The following TIAM2 variants were observed in gnomAD, a reference collection of about 807,000 sequenced individuals.
The protein encoded by TIAM2 is rho guanine nucleotide exchange factor TIAM2.
TIAM2 carries 80 observed loss-of-function variants against 152.9 expected under a neutral mutation model. The observed-to-expected ratio is 0.52, with a 90% CI of 0.44 to 0.63. The LOEUF (loss-of-function observed/expected upper bound fraction) is 0.63. Among genes scored for constraint, TIAM2 ranks in the 30% least tolerant of loss-of-function variants. TIAM2 has a pLI of 0.00. For missense variants in TIAM2, 1,965 were observed against 2,120.1 expected (o/e 0.93, Z 1.44); for synonymous variants, 804 against 838.0 (o/e 0.96, Z 0.70).
chr6:155,254,358 G>A, intron 25 of TIAM2, 61 bp from the exon 26 acceptor site: 1 of 1,580,416 alleles, frequency 6.3e-7, no homozygotes, highest in Middle Eastern at 1.7e-4. Flanking sequence ...AGGCGGGCGT[G>A]GAATGGAAGC....
intron 7 of TIAM2, among the ~76,000 whole-genome samples, chr6:155,162,966 G>A (rs1314926376): frequency 1.3e-5 from 2 of 152,132 alleles, no homozygotes; most frequent in Non-Finnish European, 2.9e-5. Context: ...GTTGTGCAGC[G>A]ACCAACCTAA....
chr6:155,221,829 G>A (rs760846079), intron 15 of TIAM2, among the ~76,000 whole-genome samples: 24 of 152,164 alleles, frequency 1.6e-4, no homozygotes, highest in Non-Finnish European at 2.9e-4. Flanking sequence ...ATGGAGCTAT[G>A]GAGACCTTGA....
At chr6:155,227,289 C>G (rs1244023902) in intron 15 of TIAM2, among the ~76,000 whole-genome samples, 1 of 152,196 alleles carries the variant, frequency 6.6e-6, no homozygotes, top group Admixed American at 6.5e-5. Context: ...TTGTAAACTG[C>G]AGGGGTGCTG....
intron 14 of TIAM2, among the ~76,000 whole-genome samples, chr6:155,195,365 G>A (rs17086041): frequency 0.41 from 62,362 of 152,012 alleles, 13,567 homozygotes; most frequent in African/African-American, 0.52. Flanking sequence ...GGTACCCATC[G>A]CCTGTGAAGA....
intron 14 of TIAM2, among the ~76,000 whole-genome samples, chr6:155,187,034 G>A (rs1489426268): frequency 6.6e-6 from 1 of 152,050 alleles, no homozygotes; most frequent in East Asian, 1.9e-4. Flanking sequence ...TTTTAAAATA[G>A]AAATTATAAG....
At chr6:155,165,185 C>T in intron 8 of TIAM2, 78 bp from the exon 9 acceptor site, 1 of 1,446,744 alleles carries the variant, frequency 6.9e-7, no homozygotes, top group Non-Finnish European at 9.3e-7. Context: ...TTATAGCAAG[C>T]AGAGCTCACT....
rs954766139 is a variant in TIAM2, at chr6:155,178,910, G to A, written c.2524-129G>A. On this transcript the variant is annotated intron_variant, in intron 10 of 26. Coordinates refer to ENST00000682666, the MANE Select transcript of TIAM2 (RefSeq NM_012454.4). ...TATTTAAATTCGAGCTCTTATATAG[G>A]TTTAAATTCAGCAAATTATATGCAG... The A allele has an allele frequency of 1.7e-5, 13 of 763,490 alleles. No individual in the cohort carries two copies. In the East Asian group the frequency reaches 3.3e-4, roughly 19 times the overall value. The allele number at this position is 763,490 out of a possible 1,614,324, so 47.3% of individuals were successfully genotyped here. A position where few individuals can be genotyped will look rare whatever the true frequency, so the allele number is the denominator to read the frequency against.
chr6:155,252,624 G>T (rs961149870), intron 23 of TIAM2, among the ~76,000 whole-genome samples: 1 of 152,158 alleles, frequency 6.6e-6, no homozygotes, highest in African/African-American at 2.4e-5. Context: ...CCTTCACTCA[G>T]AAAAAAGCAA....
rs1331213 is a variant in TIAM2, at chr6:155,254,412, C to G, written c.4314-7C>G. On this transcript the variant is annotated splice_polypyrimidine_tract_variant and splice_region_variant and intron_variant, in intron 25 of 26. Coordinates refer to ENST00000682666, the MANE Select transcript of TIAM2 (RefSeq NM_012454.4). Reference sequence around the variant, plus strand: ...ACTTCTGCTGTTTTCTCTCCCCCCCCACCCAGTGACAGTGAAAGCAAAACC... The same window carrying G: ...ACTTCTGCTGTTTTCTCTCCCCCCCGACCCAGTGACAGTGAAAGCAAAACC... 0.37 allele frequency: 589,051 copies of G among 1,608,798 alleles called. 113,547 individuals carry two copies. Among genetic ancestry groups the G allele is most frequent in the Middle Eastern group, 0.49 (2,946 of 6,044 alleles).
In TIAM2 at chr6:155,256,952, G is replaced by A; in HGVS notation, c.4937G>A (p.Arg1646Lys). 2 of 1,614,194 alleles carry A rather than the reference G, an allele frequency of 1.2e-6. No homozygotes were observed. Among genetic ancestry groups the A allele is most frequent in the Admixed American group, 1.7e-5 (1 of 60,016 alleles). ...AAAGCCAACAGCACCAAGAGGGACAGAGGAACTTTGCTCAAGGCGCAGATC... is the reference window on the plus strand; with the variant it reads ...AAAGCCAACAGCACCAAGAGGGACAAAGGAACTTTGCTCAAGGCGCAGATC... ...KRKANSTKRD[R>K]GTLLKAQIRH... is the part of the protein sequence containing the mutation. The change falls in exon 27 of 27, where the codon AGA (arginine) becomes AAA (lysine). Residue 1646 changes from arginine to lysine, a missense_variant. By Grantham distance (26) the Arg-to-Lys change is conservative. This residue lies in a region of TIAM2 where 935 missense variants were observed against 980.0 expected (regional missense o/e 0.95). Transcript: ENST00000682666.
Position 155,148,157 on chromosome 6 carries a change from T to C in TIAM2, c.1851T>C (p.Ser617=), listed in dbSNP as rs1179513889. ...DLENWVTAVH[S]ACASLFAKKH... is the part of the protein sequence containing the mutation. Reference sequence around the variant, plus strand: ...AAAACTGGGTCACTGCTGTACACTCTGCTTGTGCATCCCTTTTTGCAAAGA... The same window carrying C: ...AAAACTGGGTCACTGCTGTACACTCCGCTTGTGCATCCCTTTTTGCAAAGA... The change falls in exon 7 of 27, where the codon TCT becomes TCC. Residue 617 remains serine (S), a synonymous_variant. Transcript: ENST00000682666. 2 of 1,613,724 alleles carry C rather than the reference T, an allele frequency of 1.2e-6. No homozygotes were observed. Among genetic ancestry groups the C allele is most frequent in the Non-Finnish European group, 8.5e-7 (1 of 1,180,030 alleles).
In TIAM2 at chr6:155,187,478, AG is replaced by A. The variant is rs1239131594; in HGVS notation, c.3064+3979del. 4.0e-5 allele frequency among the ~76,000 whole-genome samples: 6 copies of A among 150,200 alleles called. No homozygotes were observed. The South Asian group carries it at 6.4e-4, about 16-fold the overall frequency. ...CCTAGTGCCCAAGACTCACCTGCTG[AG>A]CTTAATGAAAATGCAGATTCCAGGG... On this transcript the variant is annotated intron_variant, in intron 14 of 26. Coordinates refer to ENST00000682666, the MANE Select transcript of TIAM2 (RefSeq NM_012454.4).
chr6:155,026,471 A>G (rs1776604247), intron 1 of TIAM2, among the ~76,000 whole-genome samples: 2 of 152,226 alleles, frequency 1.3e-5, no homozygotes, highest in South Asian at 4.1e-4. Flanking sequence ...TTTTCTTTGC[A>G]AAACTCACTG....
At chr6:155,035,836 G>T (rs1331870771) in intron 1 of TIAM2, among the ~76,000 whole-genome samples, 2 of 152,150 alleles carry the variant, frequency 1.3e-5, no homozygotes, top group Non-Finnish European at 2.9e-5. Flanking sequence ...GCCCTTGCTG[G>T]GTTGATGTAA....
rs748553008 is a variant in TIAM2, at chr6:155,129,564, A to G, written c.341A>G (p.Asn114Ser). Reference sequence around the variant, plus strand: ...ATCAGTGCTGCTTTCTCAACTGAGAATGGCTTCCACTCTGTTGGCCACGAG... The same window carrying G: ...ATCAGTGCTGCTTTCTCAACTGAGAGTGGCTTCCACTCTGTTGGCCACGAG... ...QGISAAFSTE[N>S]GFHSVGHELA... The change falls in exon 4 of 27, where the codon AAT becomes AGT. Residue 114 changes from asparagine (N) to serine (S), a missense_variant. Asn to Ser is a conservative substitution (Grantham distance 46). Transcript: ENST00000682666. The surrounding 1 kb of genome is among the most constrained non-coding windows in gnomAD (Gnocchi z 4.8). The G allele has an allele frequency of 1.1e-5, 18 of 1,614,024 alleles. No homozygotes were observed. Among genetic ancestry groups the G allele is most frequent in the Middle Eastern group, 3.3e-4 (2 of 6,084 alleles).
At chr6:155,019,785 T>A (rs1385483821) in intron 1 of TIAM2, among the ~76,000 whole-genome samples, 2 of 152,204 alleles carry the variant, frequency 1.3e-5, no homozygotes, top group African/African-American at 2.4e-5. Context: ...CCGGGCATGG[T>A]GGCTCATGCC....
intron 4 of TIAM2, among the ~76,000 whole-genome samples, chr6:155,135,212 A>G (rs1024342066): frequency 2.0e-5 from 3 of 152,146 alleles, no homozygotes; most frequent in Non-Finnish European, 2.9e-5. Flanking sequence ...GCAGTTGTTC[A>G]TGGCTCCTGG....
At chr6:155,231,048 G>C (rs893554029) in intron 15 of TIAM2, among the ~76,000 whole-genome samples, 39 of 151,776 alleles carry the variant, frequency 2.6e-4, no homozygotes, top group Admixed American at 8.5e-4. Flanking sequence ...CACCATGTTG[G>C]CCAGGCTGGT....
At position 155,085,318 on chromosome 6, in the gene TIAM2, G is replaced by A. The variant is rs1778151931; in HGVS notation, c.-208-4971G>A. Reference sequence around the variant, plus strand: ...TGAGAGAAAATTTTTAGTAACAAATGCATTCTACTTACGTAGAGGTGGGAG... The same window carrying A: ...TGAGAGAAAATTTTTAGTAACAAATACATTCTACTTACGTAGAGGTGGGAG... On this transcript the variant is annotated intron_variant, in intron 1 of 26. Transcript: ENST00000682666. Among the ~76,000 whole-genome samples the A allele has an allele frequency of 2.0e-5, 3 of 152,220 alleles. No individual in the cohort carries two copies. In the South Asian group the frequency reaches 6.2e-4, roughly 31 times the overall value.
Sources: gnomAD v4.1 joint callset for allele counts (sites outside exome capture counted in the v4.1 genomes callset) on GRCh38, gnomAD v4.1.1 for gene constraint, gnomAD v4.1.1 regional missense constraint, Gnocchi (gnomAD v3.1) non-coding constraint, MANE v1.5 for transcripts, NCBI Gene and HGNC (gene_info 2026-07-23, HGNC 2026-07-21) for gene names.